MYO18A: variants seen among roughly 807,000 people sequenced by gnomAD.
MYO18A encodes unconventional myosin-XVIIIa.
A neutral mutation model predicts 235.8 loss-of-function variants in MYO18A; 78 were observed. The observed-to-expected ratio is 0.33, with a 90% CI of 0.28 to 0.40. MYO18A has a LOEUF of 0.40. Ranked by LOEUF, MYO18A falls within the 10% of genes least tolerant of loss-of-function variation. MYO18A has a pLI of 1.00. For synonymous variants in MYO18A, 977 were observed against 1,077.8 expected (o/e 0.91, Z 1.83); for missense variants, 2,215 against 2,699.3 (o/e 0.82, Z 3.98).
In MYO18A at chr17:29,111,978, CACGCACAT is replaced by C. The variant is rs2066940645; in HGVS notation, c.2599-123_2599-116del. The C allele has an allele frequency of 1.5e-6, 2 of 1,293,358 alleles. No homozygotes were observed. The highest frequency in any genetic ancestry group is 2.1e-6 in the Non-Finnish European group (2 of 947,488). The allele number at this position is 1,293,358 out of a possible 1,614,324, so 80.1% of individuals were successfully genotyped here. Reference sequence around the variant, plus strand: ...TGCTACACATGTGCACACATGCACACACGCACATGCCGCAGCTCCTGCCGCTCACTGCT... The same window carrying C: ...TGCTACACATGTGCACACATGCACACGCCGCAGCTCCTGCCGCTCACTGCT... On this transcript the variant is annotated intron_variant, in intron 15 of 41. Transcript: ENST00000527372. This position sits in a 1 kb window ranked among gnomAD's most constrained non-coding sequence, Gnocchi z 5.1.
chr17:29,108,533 G>A (rs779994271), intron 19 of MYO18A, among the ~76,000 whole-genome samples: 29 of 152,346 alleles, frequency 1.9e-4, no homozygotes, highest in Non-Finnish European at 3.2e-4. Context: ...CTTGCTCAAG[G>A]TCACAAAGGC....
At chr17:29,154,783 G>A (rs917464195) in intron 2 of MYO18A, among the ~76,000 whole-genome samples, 8 of 152,198 alleles carry the variant, frequency 5.3e-5, no homozygotes, top group African/African-American at 1.7e-4. Context: ...TGGGGAGGGC[G>A]AGGCAGAAGA....
At position 29,109,905 on chromosome 17, in the gene MYO18A, T is replaced by C. The variant is rs1472475516; in HGVS notation, c.3284A>G (p.Gln1095Arg). ...ATCGAGCAGGCGGGAGCCGCGGAGC[T>C]GGGTGCGGAGCAGGGGCACGTCGAG... The part of the protein sequence containing the change: ...LQLDVPLLRT[Q>R]LRGSRLLDAM... The change falls in exon 19 of 42, where the codon CAG (glutamine) becomes CGG (arginine). Residue 1095 changes from glutamine to arginine, a missense_variant. Gln to Arg is a conservative substitution (Grantham distance 43). Coordinates refer to ENST00000527372, the MANE Select transcript of MYO18A (RefSeq NM_078471.4). This position sits in a 1 kb window ranked among gnomAD's most constrained non-coding sequence, Gnocchi z 4.1. 1.3e-6 allele frequency: 2 copies of C among 1,583,426 alleles called. No individual in the cohort carries two copies. Among genetic ancestry groups the C allele is most frequent in the Non-Finnish European group, 1.7e-6 (2 of 1,164,918 alleles).
At chr17:29,112,767 A>G (rs777641524) in intron 15 of MYO18A, among the ~76,000 whole-genome samples, 8 of 152,210 alleles carry the variant, frequency 5.3e-5, no homozygotes, top group African/African-American at 1.9e-4. Context: ...GAAAAGGGCC[A>G]TTTTTCCTCT....
At chr17:29,115,481 G>T in intron 12 of MYO18A, 40 bp from the exon 13 acceptor site, 1 of 1,598,290 alleles carries the variant, frequency 6.3e-7, no homozygotes. Context: ...CTTCTCCCCA[G>T]GGCTCCCCAT....
At chr17:29,139,352 G>C (rs1037891057) in intron 2 of MYO18A, among the ~76,000 whole-genome samples, 3 of 152,130 alleles carry the variant, frequency 2.0e-5, no homozygotes, top group African/African-American at 7.2e-5. Context: ...TAGTGGCCCG[G>C]GGGTGGCTGG....
chr17:29,121,740 G>A lies in MYO18A; in HGVS notation c.1195-17C>T, dbSNP rs1181860276. The A allele has an allele frequency of 6.4e-7, 1 of 1,572,558 alleles. No homozygotes were observed. Among genetic ancestry groups the A allele is most frequent in the African/African-American group, 1.4e-5 (1 of 73,936 alleles). ...AGCATTAGCCTGTGTGGGAGGACAG[G>A]CGGGTGGGTATTAGAGCAGCAGAGC... On this transcript the variant is annotated splice_polypyrimidine_tract_variant and intron_variant, in intron 4 of 41. Transcript: ENST00000527372. This position sits in a 1 kb window ranked among gnomAD's most constrained non-coding sequence, Gnocchi z 4.2.
At chr17:29,157,467 G>C (rs557325585) in intron 2 of MYO18A, among the ~76,000 whole-genome samples, 1 of 152,280 alleles carries the variant, frequency 6.6e-6, no homozygotes, top group African/African-American at 2.4e-5. Flanking sequence ...GGATTTATAT[G>C]GATATCCGGA....
chr17:29,173,400 T>G (rs1242030012), intron 1 of MYO18A, among the ~76,000 whole-genome samples: 1 of 147,606 alleles, frequency 6.8e-6, no homozygotes, highest in Admixed American at 6.8e-5. Context: ...CCCTTTTTTT[T>G]TTTTTTGAGA....
intron 2 of MYO18A, among the ~76,000 whole-genome samples, chr17:29,153,003 C>A (rs1294609704): frequency 6.6e-6 from 1 of 152,224 alleles, no homozygotes; most frequent in East Asian, 1.9e-4. Flanking sequence ...GTGTGAACCA[C>A]CATGCCTGGC....
At chr17:29,099,089 C>T in intron 22 of MYO18A, 120 bp from the exon 23 acceptor site, 1 of 1,272,488 alleles carries the variant, frequency 7.9e-7, no homozygotes. Flanking sequence ...CCCCCTGACC[C>T]CGAGTCAGAT....
At chr17:29,127,643 C>T (rs757448912) in intron 2 of MYO18A, among the ~76,000 whole-genome samples, 14 of 152,328 alleles carry the variant, frequency 9.2e-5, no homozygotes, top group African/African-American at 3.4e-4. Flanking sequence ...CCATCCCAGC[C>T]GCCAGGCCAG....
Position 29,095,035 on chromosome 17 carries a change from C to G in MYO18A, c.4410G>C (p.Ala1470=). 4 of 1,562,362 alleles carry G rather than the reference C, an allele frequency of 2.6e-6. No individual in the cohort carries two copies. Among genetic ancestry groups the G allele is most frequent in the Non-Finnish European group, 3.5e-6 (4 of 1,152,488 alleles). Residue 1470 remains alanine (A), a synonymous_variant, in exon 29 of 42, where the codon GCG becomes GCC. Transcript: ENST00000527372. ...GCTTCTCCCGCTGGGCCTCCTCATG[C>G]GCCTGCGAGAGCTCACTGTCAAACC... The part of the protein sequence containing the change: ...QRRFDSELSQ[A]HEEAQREKLQ...
intron 21 of MYO18A, 83 bp from the exon 22 acceptor site, chr17:29,099,845 A>G: frequency 6.5e-7 from 1 of 1,547,420 alleles, no homozygotes; most frequent in Non-Finnish European, 8.7e-7. Context: ...AACTGGAGAA[A>G]CAAGCAGGCC....
At chr17:29,093,852 G>A in intron 31 of MYO18A, 128 bp downstream of exon 31, 1 of 680,180 alleles carries the variant, frequency 1.5e-6, no homozygotes. Flanking sequence ...ATCCCGAGAG[G>A]CGCTTCCTGG....
At chr17:29,176,014 C>T (rs1027621957) in intron 1 of MYO18A, among the ~76,000 whole-genome samples, 14 of 152,016 alleles carry the variant, frequency 9.2e-5, no homozygotes, top group African/African-American at 3.1e-4. Flanking sequence ...GCCAAGATTG[C>T]GCCACTGCAC....
intron 15 of MYO18A, among the ~76,000 whole-genome samples, 165 bp downstream of exon 15, chr17:29,113,846 A>G (rs377466255): frequency 6.6e-6 from 1 of 152,324 alleles, no homozygotes; most frequent in South Asian, 2.1e-4. Context: ...TGAGGGGCAG[A>G]GCCCCAGCAC....
chr17:29,144,263 C>T (rs574321616), intron 2 of MYO18A, among the ~76,000 whole-genome samples: 1 of 152,234 alleles, frequency 6.6e-6, no homozygotes, highest in African/African-American at 2.4e-5. Flanking sequence ...TATAATCTGG[C>T]CCCTCCTCAG....
chr17:29,166,572 C>G lies in MYO18A; in HGVS notation c.369G>C (p.Lys123Asn), dbSNP rs752568058. The change falls in exon 2 of 42, where the codon AAG (lysine) becomes AAC (asparagine). Residue 123 changes from lysine (K) to asparagine (N), a missense_variant. Lys to Asn is a moderately conservative substitution (Grantham distance 94). Coordinates refer to ENST00000527372, the MANE Select transcript of MYO18A (RefSeq NM_078471.4). ...FRGSVLQRAA[K>N]FGSLAKQNSQ... ...AGTTCTGCTTGGCCAGTGAGCCGAA[C>G]TTGGCTGCCCGCTGCAGCACCGAGC... is the stretch of plus-strand genomic sequence containing the variant. The G allele has an allele frequency of 6.8e-6, 11 of 1,613,760 alleles. No homozygotes were observed. Among genetic ancestry groups the G allele is most frequent in the Non-Finnish European group, 9.3e-6 (11 of 1,179,902 alleles).
Sources: allele counts gnomAD v4.1 joint callset (sites outside exome capture counted in the v4.1 genomes callset), GRCh38; gene constraint gnomAD v4.1.1; non-coding constraint Gnocchi (gnomAD v3.1); transcripts MANE v1.5; gene names NCBI Gene and HGNC (gene_info 2026-07-23, HGNC 2026-07-21).